Variants in JPH3 observed in about 807,000 individuals in gnomAD.
JPH3 encodes the protein junctophilin 3.
A neutral mutation model predicts 59.6 loss-of-function variants in JPH3; 11 were observed. The observed-to-expected ratio is 0.18, with a 90% CI of 0.12 to 0.31. The LOEUF (loss-of-function observed/expected upper bound fraction) is 0.31, where lower values mean the gene tolerates loss of function less well. Among genes scored for constraint, JPH3 ranks in the 10% least tolerant of loss-of-function variants. JPH3 has a pLI of 1.00. For missense variants in JPH3, 1,202 were observed against 1,105.7 expected (o/e 1.09, Z -1.24); for synonymous variants, 673 against 483.6 (o/e 1.39, Z -5.14).
chr16:87,650,740 C>G (rs539116198), intron 2 of JPH3, among the ~76,000 whole-genome samples: 6 of 152,322 alleles, frequency 3.9e-5, no homozygotes, highest in Admixed American at 6.5e-5. Flanking sequence ...GAGCAAGGCT[C>G]AACTCTAATG....
Position 87,696,576 on chromosome 16 carries a change from C to T in JPH3, c.2167-4C>T, listed in dbSNP as rs747946095. On this transcript the variant is annotated splice_polypyrimidine_tract_variant and splice_region_variant and intron_variant, in intron 4 of 4. Transcript: ENST00000284262. ...GCTCACCTCTTCCCCTCGCTCTCTT[C>T]CAGGGCTCAGCGCCTATCCTGGTGG... The T allele has an allele frequency of 3.7e-6, 6 of 1,612,852 alleles. No homozygotes were observed. In the Admixed American group the frequency reaches 6.7e-5, roughly 18 times the overall value.
chr16:87,694,996 C>T (rs943152025), intron 4 of JPH3: 1 of 297,150 alleles, frequency 3.4e-6, no homozygotes, highest in Non-Finnish European at 6.6e-6. Flanking sequence ...TGTTGTGAAT[C>T]CTGCTGCCGG....
chr16:87,675,285 A>C (rs1346647051), intron 2 of JPH3, among the ~76,000 whole-genome samples: 1 of 142,918 alleles, frequency 7.0e-6, no homozygotes, highest in African/African-American at 2.6e-5. Flanking sequence ...CCTGCCTCCC[A>C]GGCCTCAGCC....
chr16:87,626,270 G>A (rs905697340), intron 1 of JPH3, among the ~76,000 whole-genome samples: 1 of 152,154 alleles, frequency 6.6e-6, no homozygotes, highest in South Asian at 2.1e-4. Context: ...GCAGACTGAG[G>A]TTGCTTAACT....
intron 2 of JPH3, among the ~76,000 whole-genome samples, chr16:87,678,385 A>G (rs1378636973): frequency 2.0e-5 from 3 of 152,194 alleles, no homozygotes; most frequent in Non-Finnish European, 2.9e-5. Flanking sequence ...CTAAAAGTAG[A>G]AAAATTAGCC....
Position 87,697,743 on chromosome 16 carries a change from C to T in JPH3, c.*1083C>T, listed in dbSNP as rs1277204336. Reference sequence around the variant, plus strand: ...TTCAAACCCAGTGGCTTGAAACTTCCTGAGAAACTGTAGCATATCCAGCCC... The same window carrying T: ...TTCAAACCCAGTGGCTTGAAACTTCTTGAGAAACTGTAGCATATCCAGCCC... On this transcript the variant is annotated 3_prime_UTR_variant, in exon 5 of 5. Coordinates refer to ENST00000284262, the MANE Select transcript of JPH3 (RefSeq NM_020655.4). 6.6e-6 allele frequency: 1 copy of T among 152,262 alleles called. No individual in the cohort carries two copies. Among genetic ancestry groups the T allele is most frequent in the African/African-American group, 2.4e-5 (1 of 41,458 alleles). The allele number at this position is 152,262 out of a possible 1,614,324, so 9.4% of individuals were successfully genotyped here.
At chr16:87,637,665 AC>A (rs1360377593) in intron 1 of JPH3, among the ~76,000 whole-genome samples, 10 of 152,014 alleles carry the variant, frequency 6.6e-5, no homozygotes, top group African/African-American at 2.4e-4. Flanking sequence ...CTCGGGGACA[AC>A]CCTGGGATAA....
chr16:87,660,692 C>T (rs1032720655), intron 2 of JPH3, among the ~76,000 whole-genome samples: 1 of 152,228 alleles, frequency 6.6e-6, no homozygotes, highest in Non-Finnish European at 1.5e-5. Context: ...CACCAGCTGC[C>T]TCTTCCACAG....
rs1053055150 is a variant in JPH3 at position 87,641,121 on chromosome 16, C to T, written c.383-3137C>T. 3.9e-5 allele frequency among the ~76,000 whole-genome samples: 6 copies of T among 152,380 alleles called. No homozygotes were observed. The Middle Eastern group carries it at 0.01, about 259-fold the overall frequency. On this transcript the variant is annotated intron_variant, in intron 1 of 4. Coordinates refer to ENST00000284262, the MANE Select transcript of JPH3 (RefSeq NM_020655.4). ...TGCCTCCTCCCCGTGCCCATCACAA[C>T]TGCCCCCAGTGCTGGGACCTCTGGG...
intron 2 of JPH3, among the ~76,000 whole-genome samples, chr16:87,651,255 C>T (rs182930576): frequency 2.4e-3 from 363 of 152,334 alleles, no homozygotes; most frequent in Non-Finnish European, 4.1e-3. Flanking sequence ...AATATTACTA[C>T]TCACCCCGGA....
intron 1 of JPH3, among the ~76,000 whole-genome samples, chr16:87,621,351 T>C (rs2031178794): frequency 6.6e-6 from 1 of 151,480 alleles, no homozygotes; most frequent in Admixed American, 6.6e-5. Flanking sequence ...GGGGAGGGGG[T>C]TCGGGACAGG....
rs1420956335 is a variant in JPH3 at position 87,690,379 on chromosome 16, C to T, written c.2019C>T (p.Pro673=). The change falls in exon 4 of 5, where the codon CCC becomes CCT. Residue 673 remains proline, a synonymous_variant. Coordinates refer to ENST00000284262, the MANE Select transcript of JPH3 (RefSeq NM_020655.4). ...ENFRPASSAE[P]AVQKLASLRL... ...TCAGGCCGGCCTCCTCCGCGGAGCC[C>T]GCCGTGCAGAAACTGGCGAGCCTGC... is the stretch of plus-strand genomic sequence containing the variant. 7.2e-6 allele frequency: 11 copies of T among 1,531,554 alleles called. No individual in the cohort carries two copies. The highest frequency in any genetic ancestry group is 5.6e-5 in the African/African-American group (4 of 71,956). The allele number at this position is 1,531,554 out of a possible 1,614,324, so 94.9% of individuals were successfully genotyped here. A position where few individuals can be genotyped will look rare whatever the true frequency, so the allele number is the denominator to read the frequency against.
intron 1 of JPH3, among the ~76,000 whole-genome samples, chr16:87,627,142 C>T (rs2031407547): frequency 6.6e-6 from 1 of 152,194 alleles, no homozygotes; most frequent in South Asian, 2.1e-4. Flanking sequence ...TGCCAAAGTT[C>T]TCCAGGTGAT....
At chr16:87,658,075 C>T (rs556429956) in intron 2 of JPH3, among the ~76,000 whole-genome samples, 32 of 152,300 alleles carry the variant, frequency 2.1e-4, no homozygotes, top group Admixed American at 4.6e-4. Flanking sequence ...TCTCCTACCC[C>T]GGAAGGCACC....
chr16:87,626,684 C>G (rs988341371), intron 1 of JPH3, among the ~76,000 whole-genome samples: 1 of 152,276 alleles, frequency 6.6e-6, no homozygotes, highest in African/African-American at 2.4e-5. Context: ...GGTGCATGTC[C>G]AGAACCCTGA....
intron 1 of JPH3, among the ~76,000 whole-genome samples, chr16:87,641,928 T>G (rs2031967380): frequency 6.6e-6 from 1 of 151,546 alleles, no homozygotes; most frequent in African/African-American, 2.4e-5. Flanking sequence ...ATGCCGCGGG[T>G]GCCGGGCATG....
At chr16:87,657,987 A>G (rs923336305) in intron 2 of JPH3, among the ~76,000 whole-genome samples, 2 of 152,212 alleles carry the variant, frequency 1.3e-5, no homozygotes, top group Admixed American at 6.5e-5. Context: ...GCTCCAGGAC[A>G]TAAATGTCCC....
chr16:87,622,587 GC>G (rs769929683), intron 1 of JPH3, among the ~76,000 whole-genome samples: 7 of 152,164 alleles, frequency 4.6e-5, no homozygotes, highest in Non-Finnish European at 8.8e-5. Flanking sequence ...TCTCCCTTCT[GC>G]GAGGCTGTGG....
At chr16:87,648,679 C>T (rs1325101589) in intron 2 of JPH3, among the ~76,000 whole-genome samples, 2 of 152,128 alleles carry the variant, frequency 1.3e-5, no homozygotes, top group African/African-American at 4.8e-5. Flanking sequence ...AGAGGGGGAG[C>T]TGGGACTCAG....
Sources: allele counts gnomAD v4.1 joint callset (sites outside exome capture counted in the v4.1 genomes callset), GRCh38; gene constraint gnomAD v4.1.1; transcripts MANE v1.5; gene names NCBI Gene and HGNC (gene_info 2026-07-23, HGNC 2026-07-21).